Variants in STK32C observed in about 807,000 individuals in gnomAD.
STK32C encodes serine/threonine kinase 32C, also known as serine/threonine-protein kinase 32C.
Under a neutral mutation model 56.5 loss-of-function variants are expected in STK32C, and 31 were observed. The observed-to-expected ratio is 0.55, with a 90% CI of 0.41 to 0.74. The LOEUF (loss-of-function observed/expected upper bound fraction) is 0.74. STK32C is among the 30% of genes least tolerant of loss of function. The pLI, the probability that STK32C is intolerant of heterozygous loss-of-function variation, is 0.00. For synonymous variants in STK32C, 309 were observed against 289.4 expected, an observed-to-expected ratio of 1.07 and a Z score of -0.69; for missense variants, 544 against 676.9, an observed-to-expected ratio of 0.80 and a Z score of 2.18.
At chr10:132,332,063 G>A (rs1326994556), upstream of STK32C, 6 of 255,472 alleles carry the variant, frequency 2.3e-5, no homozygotes, top group East Asian at 4.9e-4. Flanking sequence ...CCCACAACAC[G>A]CACACCCCCG....
At chr10:132,328,599 G>A (rs1003403020) in intron 1 of STK32C, among the ~76,000 whole-genome samples, 6 of 152,212 alleles carry the variant, frequency 3.9e-5, no homozygotes. Context: ...TTGTTTCAGA[G>A]TCAAACCATG....
At position 132,224,081 on chromosome 10, in the gene STK32C, C is replaced by T. The variant is rs180951502; in HGVS notation, c.993+326G>A. Reference sequence around the variant, plus strand: ...CCTTCCAATACGTGGGACAAGGGGACGTGGCTCAGGGCTCCTCTGTGGTGA... The same window carrying T: ...CCTTCCAATACGTGGGACAAGGGGATGTGGCTCAGGGCTCCTCTGTGGTGA... On this transcript the variant is annotated intron_variant, in intron 8 of 11. Transcript: ENST00000298630. 3.0e-4 allele frequency among the ~76,000 whole-genome samples: 45 copies of T among 152,144 alleles called. No homozygotes were observed. The South Asian group carries it at 4.6e-3, about 15-fold the overall frequency.
At chr10:132,244,859 C>T (rs376742839) in intron 2 of STK32C, among the ~76,000 whole-genome samples, 17 of 152,298 alleles carry the variant, frequency 1.1e-4, no homozygotes, top group Non-Finnish European at 1.5e-4. Context: ...TGACGAACTC[C>T]GCCAGCTTCA....
intron 1 of STK32C, among the ~76,000 whole-genome samples, chr10:132,286,779 CA>C (rs1329443077): frequency 6.6e-6 from 1 of 152,202 alleles, no homozygotes. Flanking sequence ...GCACACATGA[CA>C]AGGCTCAGCC....
At chr10:132,273,254 G>A (rs1291922090) in intron 1 of STK32C, among the ~76,000 whole-genome samples, 1 of 152,046 alleles carries the variant, frequency 6.6e-6, no homozygotes, top group South Asian at 2.1e-4. Context: ...CACCAAGAGG[G>A]CAGCCCCCAG....
chr10:132,316,512 G>A (rs1320370418), intron 1 of STK32C, among the ~76,000 whole-genome samples: 2 of 152,076 alleles, frequency 1.3e-5, no homozygotes, highest in East Asian at 1.9e-4. Flanking sequence ...CCTGCTACTC[G>A]GGAGGCTAAG....
intron 10 of STK32C, among the ~76,000 whole-genome samples, chr10:132,222,411 C>T (rs539539033): frequency 6.6e-6 from 1 of 152,352 alleles, no homozygotes; most frequent in South Asian, 2.1e-4. Context: ...CATCCCCGTG[C>T]ACTCATAACC....
rs556210434 is a variant in STK32C, at chr10:132,227,505, CGTGGTG to C, written c.470+466_470+471del. Among the ~76,000 whole-genome samples, 3 of 150,910 alleles carry C rather than the reference CGTGGTG, an allele frequency of 2.0e-5. No homozygotes were observed. The East Asian group carries it at 5.8e-4, about 29-fold the overall frequency. On this transcript the variant is annotated intron_variant, in intron 3 of 11. Transcript: ENST00000298630. ...TGATGGTGATAACAGTGATTGTGGT[CGTGGTG>C]GTGGTGGTAATGGTGGTGACAATAG...
Position 132,222,601 on chromosome 10 carries a change from C to T in STK32C, c.1251+40G>A, listed in dbSNP as rs1182510052. On this transcript the variant is annotated intron_variant, in intron 10 of 11. Coordinates refer to ENST00000298630, the MANE Select transcript of STK32C (RefSeq NM_173575.4). The stretch of plus-strand genomic sequence containing the variant: ...TCGGTGGTAGAGAGGAGCCCCAAGC[C>T]CAGCCCGCCGCCGCGCCCTGAGCCT... 139 of 1,602,968 alleles carry T rather than the reference C, an allele frequency of 8.7e-5. 1 individual carries two copies. The highest frequency in any genetic ancestry group is 1.1e-4 in the Non-Finnish European group (135 of 1,177,880).
chr10:132,292,582 C>T (rs2065602015), intron 1 of STK32C, among the ~76,000 whole-genome samples: 1 of 152,238 alleles, frequency 6.6e-6, no homozygotes, highest in South Asian at 2.1e-4. Context: ...TATATTCATG[C>T]TTGCACACAT....
chr10:132,323,329 C>G (rs943715687), downstream of STK32C, among the ~76,000 whole-genome samples: 2 of 152,192 alleles, frequency 1.3e-5, no homozygotes, highest in Non-Finnish European at 2.9e-5. The surrounding 1 kb of genome is among the most constrained non-coding windows in gnomAD (Gnocchi z 4.8). Flanking sequence ...TTCCTGGTCA[C>G]CCATCCTTGA....
chr10:132,320,937 T>A (rs1462958324), downstream of STK32C, among the ~76,000 whole-genome samples: 1 of 152,202 alleles, frequency 6.6e-6, no homozygotes, highest in East Asian at 1.9e-4. Context: ...TATCTGTCCA[T>A]CTTATAATAA....
chr10:132,304,833 C>T (rs975319633), intron 1 of STK32C, among the ~76,000 whole-genome samples: 9 of 152,248 alleles, frequency 5.9e-5, no homozygotes, highest in Non-Finnish European at 8.8e-5. Flanking sequence ...CCTGCAAGGG[C>T]CTGTCCACTC....
intron 10 of STK32C, among the ~76,000 whole-genome samples, chr10:132,218,817 C>A (rs1445647930): frequency 6.6e-6 from 1 of 152,216 alleles, no homozygotes; most frequent in Non-Finnish European, 1.5e-5. Context: ...TACTCATCAA[C>A]TGATGACTGG....
chr10:132,331,329 G>GT, intron 1 of STK32C: 1 of 1,109,600 alleles, frequency 9.0e-7, no homozygotes. Flanking sequence ...TGGAATGAAG[G>GT]TGCACGGGAC....
At chr10:132,289,694 T>A (rs1221506342) in intron 1 of STK32C, among the ~76,000 whole-genome samples, 3 of 152,240 alleles carry the variant, frequency 2.0e-5, no homozygotes, top group Non-Finnish European at 4.4e-5. Flanking sequence ...TCTCTCCATG[T>A]TCTCACAGGG....
At position 132,207,962 on chromosome 10, in the gene STK32C, C is replaced by A; in HGVS notation, c.*48G>T. 7.8e-7 allele frequency: 1 copy of A among 1,280,214 alleles called. No individual in the cohort carries two copies. The highest frequency in any genetic ancestry group is 3.6e-5 in the Admixed American group (1 of 27,970). 79.3% of individuals were successfully genotyped at this position (1,280,214 alleles called of 1,614,324 possible). On this transcript the variant is annotated 3_prime_UTR_variant, in exon 12 of 12. Transcript: ENST00000298630. ...CGGCCCATGGCCCTCCCTCTGGCAGCCGAGTCTCCAAAGCAGCTCAAGGGG... is the reference window on the plus strand; with the variant it reads ...CGGCCCATGGCCCTCCCTCTGGCAGACGAGTCTCCAAAGCAGCTCAAGGGG...
chr10:132,275,163 G>A (rs1383720762), intron 1 of STK32C, among the ~76,000 whole-genome samples: 1 of 152,242 alleles, frequency 6.6e-6, no homozygotes, highest in Non-Finnish European at 1.5e-5. Flanking sequence ...TCTGGCCTCA[G>A]CCCTGACAGC....
At position 132,234,324 on chromosome 10, in the gene STK32C, C is replaced by T. The variant is rs189707079; in HGVS notation, c.319-6196G>A. ...CCTCCTGACACTTCCCGATGCATCC[C>T]CGAGTTCTGGGAGGCACCTCCACGT... On this transcript the variant is annotated intron_variant, in intron 2 of 11. Coordinates refer to ENST00000298630, the MANE Select transcript of STK32C (RefSeq NM_173575.4). Among the ~76,000 whole-genome samples the T allele has an allele frequency of 4.2e-3, 643 of 152,310 alleles. 8 individuals are homozygous for T. Among genetic ancestry groups the T allele is most frequent in the Middle Eastern group, 0.014 (4 of 294 alleles).
Sources: allele counts gnomAD v4.1 joint callset (sites outside exome capture counted in the v4.1 genomes callset), GRCh38; gene constraint gnomAD v4.1.1; non-coding constraint Gnocchi (gnomAD v3.1); transcripts MANE v1.5; gene names NCBI Gene and HGNC (gene_info 2026-07-23, HGNC 2026-07-21).